The following TTLL11 variants were observed in gnomAD, a reference collection of about 807,000 sequenced individuals.
The protein encoded by TTLL11 is tubulin polyglutamylase TTLL11.
In TTLL11, 42 loss-of-function variants were observed where a neutral mutation model predicts 51.7. That is an observed-to-expected ratio of 0.81 (90% CI 0.64 to 1.05). The LOEUF is 1.05. Among genes scored for constraint, TTLL11 ranks in the 50% least tolerant of loss-of-function variants. The probability of loss-of-function intolerance (pLI) is 0.00; values close to 1 mark genes in which losing one functional copy is unlikely to be tolerated. For synonymous variants in TTLL11, 381 were observed against 383.5 expected (o/e 0.99, Z 0.08); for missense variants, 799 against 940.4 (o/e 0.85, Z 1.97).
At chr9:122,044,023 A>G (rs1844925871) in intron 1 of TTLL11, among the ~76,000 whole-genome samples, 1 of 152,028 alleles carries the variant, frequency 6.6e-6, no homozygotes, top group Non-Finnish European at 1.5e-5. Flanking sequence ...CTCATCCCAC[A>G]ACAGTCCCCG....
chr9:122,025,737 A>G (rs1172995401), intron 3 of TTLL11, among the ~76,000 whole-genome samples: 1 of 152,238 alleles, frequency 6.6e-6, no homozygotes, highest in Admixed American at 6.5e-5. Context: ...GGAAGACAAT[A>G]CTTTCTTTAA....
chr9:121,952,862 G>A (rs1841894683), intron 6 of TTLL11, among the ~76,000 whole-genome samples: 2 of 152,088 alleles, frequency 1.3e-5, no homozygotes, highest in African/African-American at 4.8e-5. Flanking sequence ...CCACAGACCT[G>A]ACGCATTCCC....
At position 122,031,727 on chromosome 9, in the gene TTLL11, G is replaced by A; in HGVS notation, c.689C>T (p.Ala230Val). The A allele has an allele frequency of 6.2e-7, 1 of 1,612,484 alleles. No individual in the cohort carries two copies. Among genetic ancestry groups the A allele is most frequent in the Non-Finnish European group, 8.5e-7 (1 of 1,179,958 alleles). Reference protein sequence around the residue: ...ILPDEFQLFVAQVQMVKDDDP... With the variant: ...ILPDEFQLFVVQVQMVKDDDP... ...TGGGGACGGAGTGCCATCTACCTGA[G>A]CAACAAAGAGCTGGAACTCGTCAGG... Residue 230 changes from alanine to valine, a missense_variant, in exon 3 of 9, where the codon GCT (alanine) becomes GTT (valine). Ala to Val is a moderately conservative substitution (Grantham distance 64). Transcript: ENST00000321582.
chr9:121,875,502 A>T (rs1564283728), intron 6 of TTLL11, among the ~76,000 whole-genome samples: 1 of 152,236 alleles, frequency 6.6e-6, no homozygotes, highest in Non-Finnish European at 1.5e-5. Flanking sequence ...CACGATGAAA[A>T]GAGTCTTCAA....
chr9:122,037,304 T>C (rs1490866471), intron 2 of TTLL11, among the ~76,000 whole-genome samples: 1 of 152,150 alleles, frequency 6.6e-6, no homozygotes, highest in Admixed American at 6.5e-5. Flanking sequence ...CAAAAAATAA[T>C]AGCTATCCCA....
intron 6 of TTLL11, among the ~76,000 whole-genome samples, chr9:121,894,286 A>G (rs1057344666): frequency 2.0e-5 from 3 of 152,194 alleles, no homozygotes; most frequent in African/African-American, 7.2e-5. Flanking sequence ...ACGCTTTTAC[A>G]CTGTTGGTGG....
At chr9:122,065,313 G>T (rs1460991846) in intron 1 of TTLL11, among the ~76,000 whole-genome samples, 1 of 152,078 alleles carries the variant, frequency 6.6e-6, no homozygotes, top group African/African-American at 2.4e-5. Context: ...AAAAGGAATG[G>T]GTAAAAAATA....
At position 122,092,671 on chromosome 9, in the gene TTLL11, T is replaced by C; in HGVS notation, c.462+16A>G. 1 of 1,536,278 alleles carries C rather than the reference T, an allele frequency of 6.5e-7. No individual in the cohort carries two copies. Among genetic ancestry groups the C allele is most frequent in the African/African-American group, 1.4e-5 (1 of 73,040 alleles). ...ACCCCACTGTGCCCACGCGGCCGGG[T>C]CGGGCCGGGCCTCACCTCCTTCCAC... is the stretch of plus-strand genomic sequence containing the variant. On this transcript the variant is annotated intron_variant, in intron 1 of 8. Coordinates refer to ENST00000321582, the MANE Select transcript of TTLL11 (RefSeq NM_001139442.2).
intron 8 of TTLL11, among the ~76,000 whole-genome samples, chr9:121,852,633 C>T (rs1257929208): frequency 6.6e-6 from 1 of 152,172 alleles, no homozygotes; most frequent in Non-Finnish European, 1.5e-5. Context: ...AGGACAGGCA[C>T]TCGCCCGACA....
At chr9:121,969,712 T>C (rs1409458895) in intron 6 of TTLL11, among the ~76,000 whole-genome samples, 1 of 152,124 alleles carries the variant, frequency 6.6e-6, no homozygotes, top group Non-Finnish European at 1.5e-5. Flanking sequence ...TCAGATTCTG[T>C]GCAAACGCTA....
chr9:122,012,440 G>GAA (rs895742296), intron 3 of TTLL11, among the ~76,000 whole-genome samples: 1 of 145,760 alleles, frequency 6.9e-6, no homozygotes, highest in Non-Finnish European at 1.5e-5. Flanking sequence ...GAGAGAGAGA[G>GAA]AAAAAAAAAA....
At chr9:121,961,918 T>G (rs1842239844) in intron 6 of TTLL11, among the ~76,000 whole-genome samples, 1 of 152,050 alleles carries the variant, frequency 6.6e-6, no homozygotes, top group Non-Finnish European at 1.5e-5. Flanking sequence ...TAGCCAGGCG[T>G]GGTGGTGGGT....
chr9:121,846,674 G>A (rs1564270405), intron 8 of TTLL11, among the ~76,000 whole-genome samples: 1 of 152,154 alleles, frequency 6.6e-6, no homozygotes, highest in Non-Finnish European at 1.5e-5. Flanking sequence ...AGTAGCACAT[G>A]TCTAAACAAC....
chr9:121,978,136 TG>T (rs1842755766), intron 4 of TTLL11, among the ~76,000 whole-genome samples: 1 of 152,190 alleles, frequency 6.6e-6, no homozygotes, highest in South Asian at 2.1e-4. Context: ...ACATAGAAAG[TG>T]CTTAATGAGA....
intron 7 of TTLL11, among the ~76,000 whole-genome samples, chr9:121,865,497 G>T (rs1412447847): frequency 6.6e-6 from 1 of 152,176 alleles, no homozygotes; most frequent in Admixed American, 6.5e-5. Flanking sequence ...CACGAAAAAT[G>T]CAGCATACGC....
At chr9:121,914,892 T>C (rs1163943168) in intron 6 of TTLL11, among the ~76,000 whole-genome samples, 2 of 152,188 alleles carry the variant, frequency 1.3e-5, no homozygotes, top group Admixed American at 1.3e-4. Context: ...TGTGTCACTG[T>C]GCTCCTGGGG....
chr9:121,847,676 GAA>G (rs1278750655), intron 8 of TTLL11, among the ~76,000 whole-genome samples: 1 of 152,044 alleles, frequency 6.6e-6, no homozygotes, highest in African/African-American at 2.4e-5. Flanking sequence ...TTTCAAAAAA[GAA>G]AGCACCATGC....
chr9:121,824,697 T>C (rs1457784935), intron 8 of TTLL11, among the ~76,000 whole-genome samples: 1 of 152,108 alleles, frequency 6.6e-6, no homozygotes. Flanking sequence ...TCTAAACCTA[T>C]AGGAGTCCCT....
At chr9:122,035,102 C>T (rs191668443) in intron 2 of TTLL11, among the ~76,000 whole-genome samples, 1 of 152,340 alleles carries the variant, frequency 6.6e-6, no homozygotes, top group African/African-American at 2.4e-5. Flanking sequence ...AGAGCTGCGT[C>T]CTTTTCTTTG....
Sources: gnomAD v4.1 joint callset for allele counts (sites outside exome capture counted in the v4.1 genomes callset) on GRCh38, gnomAD v4.1.1 for gene constraint, MANE v1.5 for transcripts, NCBI Gene and HGNC (gene_info 2026-07-23, HGNC 2026-07-21) for gene names.